ARHGEF1: variants seen among roughly 807,000 people sequenced by gnomAD.
ARHGEF1 encodes the protein 115 kDa guanine nucleotide exchange factor.
A neutral mutation model predicts 119.7 loss-of-function variants in ARHGEF1; 40 were observed. That is an observed-to-expected ratio of 0.33 (90% CI 0.26 to 0.44). The LOEUF (loss-of-function observed/expected upper bound fraction) is 0.44. ARHGEF1 is among the 20% of genes least tolerant of loss of function. The pLI is 1.00. For missense variants in ARHGEF1, 976 were observed against 1,268.3 expected (o/e 0.77, Z 3.50); for synonymous variants, 494 against 521.0 (o/e 0.95, Z 0.71).
At position 41,904,139 on chromosome 19, in the gene ARHGEF1, G is replaced by C. The variant is rs1158253124; in HGVS notation, c.1993+29G>C. 1 of 1,614,182 alleles carries C rather than the reference G, an allele frequency of 6.2e-7. No homozygotes were observed. The highest frequency in any genetic ancestry group is 8.5e-7 in the Non-Finnish European group (1 of 1,180,010). On this transcript the variant is annotated intron_variant, in intron 21 of 28. Coordinates refer to ENST00000354532, the MANE Select transcript of ARHGEF1 (RefSeq NM_004706.4). This position sits in a 1 kb window ranked among gnomAD's most constrained non-coding sequence, Gnocchi z 8.4. ...AGTGCCAGAGCAGCTGCCTAGTGCA[G>C]GGTGTTGGGGCAGTGAGCCAAGGGC...
downstream of ARHGEF1, chr19:41,908,767 TC>T (rs1303981474): frequency 4.3e-5 from 26 of 611,678 alleles, no homozygotes; most frequent in Admixed American, 1.7e-4. This position sits in a 1 kb window ranked among gnomAD's most constrained non-coding sequence, Gnocchi z 6.7. Context: ...CCACCCCATC[TC>T]CCCGCATCCC....
At chr19:41,908,770 C>T, downstream of ARHGEF1, 1 of 603,046 alleles carries the variant, frequency 1.7e-6, no homozygotes, top group Non-Finnish European at 2.4e-6. The surrounding 1 kb of genome is among the most constrained non-coding windows in gnomAD (Gnocchi z 6.7). Context: ...CCCCATCTCC[C>T]CGCATCCCTC....
rs1555849171 is a variant in ARHGEF1 at position 41,902,311 on chromosome 19, G to A, written c.1452G>A (p.Glu484=). The A allele has an allele frequency of 1.9e-6, 3 of 1,614,164 alleles. No homozygotes were observed. The highest frequency in any genetic ancestry group is 2.7e-5 in the African/African-American group (2 of 75,048). The change falls in exon 16 of 29, where the codon GAG becomes GAA. Residue 484 remains glutamate (E), a synonymous_variant. Coordinates refer to ENST00000354532, the MANE Select transcript of ARHGEF1 (RefSeq NM_004706.4). This position sits in a 1 kb window ranked among gnomAD's most constrained non-coding sequence, Gnocchi z 6.5. ...FLDRLMKRRQ[E]SGYLIEEIGD... ...ATCGCCTGATGAAGCGGAGGCAGGA[G>A]AGTGGCTACCTCATCGAGGAGATCG...
chr19:41,892,124 G>C lies in ARHGEF1; in HGVS notation c.324+1G>C. 1 of 1,611,908 alleles carries C rather than the reference G, an allele frequency of 6.2e-7. No homozygotes were observed. Among genetic ancestry groups the C allele is most frequent in the Non-Finnish European group, 8.5e-7 (1 of 1,178,542 alleles). On this transcript the variant is annotated splice_donor_variant, in intron 5 of 28. Transcript: ENST00000354532. LOFTEE classifies it high-confidence loss of function. This position sits in a 1 kb window ranked among gnomAD's most constrained non-coding sequence, Gnocchi z 6.3. Reference sequence around the variant, plus strand: ...CCACAGCTTCCTGGAGAAGACAGCGGTGAGAGACCTTCAAGCTGCCCCAAC... The same window carrying C: ...CCACAGCTTCCTGGAGAAGACAGCGCTGAGAGACCTTCAAGCTGCCCCAAC...
At chr19:41,896,171 C>G (rs2074481894) in intron 12 of ARHGEF1, among the ~76,000 whole-genome samples, 2 of 152,142 alleles carry the variant, frequency 1.3e-5, no homozygotes, top group Non-Finnish European at 2.9e-5. Flanking sequence ...GGGGCACCCA[C>G]TTCTGTTGCA....
intron 14 of ARHGEF1, among the ~76,000 whole-genome samples, chr19:41,900,417 A>G (rs999852410): frequency 6.6e-6 from 1 of 152,224 alleles, no homozygotes; most frequent in South Asian, 2.1e-4. Context: ...AGAGTTGTAC[A>G]CGGCTGGTGA....
Position 41,902,163 on chromosome 19 carries a change from C to G in ARHGEF1, c.1415-111C>G. 6.4e-7 allele frequency: 1 copy of G among 1,558,176 alleles called. No individual in the cohort carries two copies. The highest frequency in any genetic ancestry group is 1.2e-5 in the South Asian group (1 of 85,512). On this transcript the variant is annotated intron_variant, in intron 15 of 28. Transcript: ENST00000354532. The surrounding 1 kb of genome is among the most constrained non-coding windows in gnomAD (Gnocchi z 6.5). ...TGGGGGCAGATACGCCATCCGGTCC[C>G]GAGGATCAGACACAGACACACCTGC...
At chr19:41,920,249 GAGGCACAGAC>G (rs2074833299), upstream of ARHGEF1, among the ~76,000 whole-genome samples, 1 of 118,164 alleles carries the variant, frequency 8.5e-6, no homozygotes, top group African/African-American at 3.3e-5. Flanking sequence ...GCTCAGACGT[GAGGCACAGAC>G]ATGACATGCT....
intron 2 of ARHGEF1, among the ~76,000 whole-genome samples, chr19:41,929,468 C>A (rs549219226): frequency 6.6e-6 from 1 of 152,206 alleles, no homozygotes; most frequent in Admixed American, 6.5e-5. Context: ...AGCCTCAGGG[C>A]GGGTCAGACC....
chr19:41,921,557 C>T (rs556074018), upstream of ARHGEF1, among the ~76,000 whole-genome samples: 17 of 147,870 alleles, frequency 1.1e-4, no homozygotes, highest in South Asian at 1.5e-3. The surrounding 1 kb of genome is among the most constrained non-coding windows in gnomAD (Gnocchi z 4.4). Flanking sequence ...GCAGAAGGAG[C>T]GAACCAGAGA....
intron 1 of ARHGEF1, among the ~76,000 whole-genome samples, chr19:41,924,186 A>T (rs1409682725): frequency 2.0e-5 from 3 of 151,686 alleles, no homozygotes; most frequent in Non-Finnish European, 4.4e-5. Flanking sequence ...AAGTGTCACC[A>T]AAGTCCCTAG....
rs782384173 is a variant in ARHGEF1 at position 41,906,836 on chromosome 19, C to G, written c.*17+33C>G. 4 of 1,532,184 alleles carry G rather than the reference C, an allele frequency of 2.6e-6. No homozygotes were observed. Among genetic ancestry groups the G allele is most frequent in the African/African-American group, 1.4e-5 (1 of 72,108 alleles). 94.9% of individuals were successfully genotyped at this position (1,532,184 alleles called of 1,614,324 possible). On this transcript the variant is annotated intron_variant, in intron 28 of 28. Coordinates refer to ENST00000354532, the MANE Select transcript of ARHGEF1 (RefSeq NM_004706.4). The surrounding 1 kb of genome is among the most constrained non-coding windows in gnomAD (Gnocchi z 4.5). ...GGGCACCTGGGGGCCAGGGCGCTGT[C>G]CTGAAAGGAGGGTCCCCCTCCAGAG...
intron 18 of ARHGEF1, among the ~76,000 whole-genome samples, chr19:41,915,334 C>T (rs553842344): frequency 6.6e-6 from 1 of 151,580 alleles, no homozygotes; most frequent in African/African-American, 2.4e-5. Context: ...AGCCTTCGTC[C>T]TGTGTCAGGC....
At chr19:41,901,833 T>C in intron 14 of ARHGEF1, 54 bp from the exon 15 acceptor site, 1 of 1,582,250 alleles carries the variant, frequency 6.3e-7, no homozygotes, top group Admixed American at 1.7e-5. Flanking sequence ...CATGAGGTCA[T>C]GCCCCCTAGT....
At chr19:41,928,782 A>AC (rs370429803) in intron 1 of ARHGEF1, 38 of 386,350 alleles carry the variant, frequency 9.8e-5, no homozygotes, top group African/African-American at 1.2e-4. Context: ...AGGTGGAGAG[A>AC]CCCCCCTCCT....
In ARHGEF1 at chr19:41,892,256, G is replaced by T; in HGVS notation, c.325-75G>T. 1 of 1,598,932 alleles carries T rather than the reference G, an allele frequency of 6.3e-7. No individual in the cohort carries two copies. Among genetic ancestry groups the T allele is most frequent in the Non-Finnish European group, 8.6e-7 (1 of 1,169,036 alleles). On this transcript the variant is annotated intron_variant, in intron 5 of 28. Coordinates refer to ENST00000354532, the MANE Select transcript of ARHGEF1 (RefSeq NM_004706.4). This position sits in a 1 kb window ranked among gnomAD's most constrained non-coding sequence, Gnocchi z 6.3. ...CCCCAGCACCCTCGCTTAGACCAGG[G>T]TTCCTGGCAGTCCTCCCGGCCTGCA...
intron 1 of ARHGEF1, among the ~76,000 whole-genome samples, chr19:41,924,893 TGTG>T (rs1395574635): frequency 6.6e-6 from 1 of 151,872 alleles, no homozygotes; most frequent in Non-Finnish European, 1.5e-5. Flanking sequence ...TTCCTAAAGG[TGTG>T]GTGGTGACAA....
Position 41,904,041 on chromosome 19 carries a change from G to A in ARHGEF1, c.1924G>A (p.Asp642Asn). The change falls in exon 21 of 29, where the codon GAC becomes AAC. Residue 642 changes from aspartate to asparagine, a missense_variant. By Grantham distance (23) the Asp-to-Asn change is conservative. Coordinates refer to ENST00000354532, the MANE Select transcript of ARHGEF1 (RefSeq NM_004706.4). This position sits in a 1 kb window ranked among gnomAD's most constrained non-coding sequence, Gnocchi z 8.4. The part of the protein sequence containing the change: ...DPMLSEFKNL[D>N]ITKKKLVHEG... ...TCACCCCCTCCTGCCCCAGAACCTG[G>A]ACATCACCAAGAAGAAATTGGTCCA... 2 of 1,614,094 alleles carry A rather than the reference G, an allele frequency of 1.2e-6. No individual in the cohort carries two copies. Among genetic ancestry groups the A allele is most frequent in the Non-Finnish European group, 1.7e-6 (2 of 1,180,018 alleles).
chr19:41,892,979 G>A lies in ARHGEF1; in HGVS notation c.614+130G>A, dbSNP rs2074401996. On this transcript the variant is annotated intron_variant, in intron 7 of 28. Transcript: ENST00000354532. The surrounding 1 kb of genome is among the most constrained non-coding windows in gnomAD (Gnocchi z 6.3). ...CAGAGTTCATTTCTTGGCACTGGGG[G>A]TCTTCCTCTACCCTGGTGTTTTAAC... The A allele has an allele frequency of 7.6e-7, 1 of 1,320,786 alleles. No homozygotes were observed. Among genetic ancestry groups the A allele is most frequent in the Non-Finnish European group, 1.0e-6 (1 of 998,702 alleles). 81.8% of individuals were successfully genotyped at this position (1,320,786 alleles called of 1,614,324 possible). A position where few individuals can be genotyped will look rare whatever the true frequency, so the allele number is the denominator to read the frequency against.
Sources: allele counts gnomAD v4.1 joint callset (sites outside exome capture counted in the v4.1 genomes callset), GRCh38; gene constraint gnomAD v4.1.1; non-coding constraint Gnocchi (gnomAD v3.1); transcripts MANE v1.5; gene names NCBI Gene and HGNC (gene_info 2026-07-23, HGNC 2026-07-21).